Variants in NCL observed in about 807,000 individuals in gnomAD.
NCL encodes the protein nucleolin multifunctional protein.
A neutral mutation model predicts 77.7 loss-of-function variants in NCL; 4 were observed. The observed-to-expected ratio is 0.05, with a 90% CI of 0.03 to 0.12. NCL has a LOEUF of 0.12. Ranked by LOEUF, NCL falls within the 10% of genes least tolerant of loss-of-function variation. The pLI is 1.00. For missense variants in NCL, 763 were observed against 860.9 expected (o/e 0.89, Z 1.42); for synonymous variants, 344 against 297.8 (o/e 1.16, Z -1.60).
At position 231,456,452 on chromosome 2, in the gene NCL, G is replaced by A. The variant is rs1424325061; in HGVS notation, c.1705+179C>T. The stretch of plus-strand genomic sequence containing the variant: ...ACTCTGAGTTGACACAGCTGGATCA[G>A]AACTTGACTATCTAGAGGAATTTTC... On this transcript the variant is annotated intron_variant, in intron 11 of 13. Transcript: ENST00000322723. 2.5e-6 allele frequency: 3 copies of A among 1,183,132 alleles called. No homozygotes were observed. The South Asian group carries it at 3.7e-5, about 14-fold the overall frequency. The allele number at this position is 1,183,132 out of a possible 1,614,324, so 73.3% of individuals were successfully genotyped here.
chr2:231,464,068 C>T, intron 1 of NCL: 1 of 1,311,572 alleles, frequency 7.6e-7, no homozygotes, highest in Non-Finnish European at 9.9e-7. Flanking sequence ...TCTCATCTCT[C>T]CACCCCGAGG....
At chr2:231,457,305 C>G (rs1220309103) in intron 9 of NCL, 181 bp from the exon 10 acceptor site, 3 of 905,882 alleles carry the variant, frequency 3.3e-6, no homozygotes, top group Non-Finnish European at 5.4e-6. Context: ...GTTGCAATGT[C>G]CTGCTGGTTG....
At chr2:231,461,248 A>T (rs2442323) in intron 3 of NCL, among the ~76,000 whole-genome samples, 5 of 152,034 alleles carry the variant, frequency 3.3e-5, no homozygotes, top group African/African-American at 1.2e-4. Flanking sequence ...ATTGCACTCC[A>T]GCCTGGGAAA....
chr2:231,461,871 G>A lies in NCL; in HGVS notation c.282C>T (p.Ala94=), dbSNP rs749405820. 1 of 1,614,182 alleles carries A rather than the reference G, an allele frequency of 6.2e-7. No individual in the cohort carries two copies. Among genetic ancestry groups the A allele is most frequent in the Non-Finnish European group, 8.5e-7 (1 of 1,180,032 alleles). ...TPGKKAAATP[A]KKTVTPAKAV... Reference sequence around the variant, plus strand: ...CTTTGGCTGGTGTAACTGTCTTCTTGGCAGGTGTTGCTGCTGCCTTTTTGC... The same window carrying A: ...CTTTGGCTGGTGTAACTGTCTTCTTAGCAGGTGTTGCTGCTGCCTTTTTGC... Residue 94 remains alanine, a synonymous_variant, in exon 3 of 14, where the codon GCC becomes GCT. Coordinates refer to ENST00000322723, the MANE Select transcript of NCL (RefSeq NM_005381.3).
At chr2:231,462,141 T>A in intron 2 of NCL, 124 bp from the exon 3 acceptor site, 1 of 1,228,142 alleles carries the variant, frequency 8.1e-7, no homozygotes, top group Non-Finnish European at 1.2e-6. Flanking sequence ...ACTAGACACA[T>A]TAGCATGTTA....
At chr2:231,455,355 C>A (rs141189580) in intron 13 of NCL, 46 bp downstream of exon 13, 8 of 1,613,534 alleles carry the variant, frequency 5.0e-6, no homozygotes, top group Middle Eastern at 1.6e-4. Context: ...GGCACAGGGT[C>A]TGAAGAGCAC....
Position 231,455,061 on chromosome 2 carries a change from T to C in NCL, c.*130A>G, listed in dbSNP as rs2046870860. 1 of 983,748 alleles carries C rather than the reference T, an allele frequency of 1.0e-6. No individual in the cohort carries two copies. 60.9% of individuals were successfully genotyped at this position (983,748 alleles called of 1,614,324 possible). On this transcript the variant is annotated 3_prime_UTR_variant, in exon 14 of 14. Transcript: ENST00000322723. The stretch of plus-strand genomic sequence containing the variant: ...GCCCTTGAAATGTTAACTAGACGGA[T>C]TTCCAAGGAGACCACAGGACTGTAT...
chr2:231,456,863 AATG>A lies in NCL; in HGVS notation c.1572-102_1572-100del, dbSNP rs1255042776. On this transcript the variant is annotated intron_variant, in intron 10 of 13. Transcript: ENST00000322723. ...GCCCCTTCTCTCAAGTTGGTACCTA[AATG>A]ATGATCTTTATTTTACACTCATTTA... 111 of 1,560,252 alleles carry A rather than the reference AATG, an allele frequency of 7.1e-5. 3 individuals carry two copies. The South Asian group carries it at 1.2e-3, about 17-fold the overall frequency.
At chr2:231,459,213 C>T (rs529765153) in intron 6 of NCL, 88 bp from the exon 7 acceptor site, 1 of 1,346,148 alleles carries the variant, frequency 7.4e-7, no homozygotes, top group African/African-American at 1.5e-5. Flanking sequence ...TGTGATGGTG[C>T]AAACAAAGAT....
Position 231,459,013 on chromosome 2 carries a change from CT to C in NCL, c.1152del (p.Asp385ThrfsTer25). On this transcript the variant is annotated frameshift_variant, in exon 7 of 14. Transcript: ENST00000322723. LOFTEE classifies it high-confidence loss of function. Reference protein sequence around the residue: ...NEIKLEKPKGKDSKKERDART... With the variant: ...NEIKLEKPKGXDSKKERDART... ...AAGCCTTACATACCTTTCTTACTGT[CT>C]TTTCCTTTTGGTTTCTCTAGTTTAA... The C allele has an allele frequency of 6.3e-7, 1 of 1,593,512 alleles. No individual in the cohort carries two copies. The highest frequency in any genetic ancestry group is 8.5e-7 in the Non-Finnish European group (1 of 1,172,298).
intron 9 of NCL, chr2:231,457,392 A>G (rs543628709): frequency 1.3e-6 from 1 of 747,652 alleles, no homozygotes; most frequent in East Asian, 2.7e-5. Flanking sequence ...AGTCATTTAA[A>G]GTATAAAACA....
chr2:231,455,756 T>A, intron 12 of NCL, 132 bp from the exon 13 acceptor site: 2 of 1,214,104 alleles, frequency 1.6e-6, no homozygotes, highest in Non-Finnish European at 2.4e-6. Context: ...AGTGACAGAG[T>A]AGCTCTCTAT....
intron 13 of NCL, 51 bp from the exon 14 acceptor site, chr2:231,455,318 C>T (rs2046875173): frequency 6.2e-7 from 1 of 1,613,328 alleles, no homozygotes; most frequent in Middle Eastern, 1.6e-4. Context: ...AAAGCTCCTC[C>T]TCCCCAGTGA....
At chr2:231,462,189 C>T in intron 2 of NCL, 172 bp from the exon 3 acceptor site, 1 of 891,608 alleles carries the variant, frequency 1.1e-6, no homozygotes, top group Admixed American at 1.9e-5. Flanking sequence ...AAGTCAGAGC[C>T]CCTATCATAA....
Position 231,463,255 on chromosome 2 carries a change from T to A in NCL, c.80A>T (p.Asp27Val). The change falls in exon 2 of 14, where the codon GAT becomes GTT. Residue 27 changes from aspartate to valine, a missense_variant. Coordinates refer to ENST00000322723, the MANE Select transcript of NCL (RefSeq NM_005381.3). ...TTCTGACATTTCCTCATCTTCACTA[T>A]CTTCTTCTACCTCCTTTGGAGGAGG... is the stretch of plus-strand genomic sequence containing the variant. ...MAPPPKEVEE[D>V]SEDEEMSEDE... The A allele has an allele frequency of 6.2e-7, 1 of 1,612,694 alleles. No homozygotes were observed. Among genetic ancestry groups the A allele is most frequent in the African/African-American group, 1.3e-5 (1 of 75,022 alleles).
rs1304524115 is a variant in NCL, at chr2:231,463,475, G to GC, written c.19-160dup. On this transcript the variant is annotated intron_variant, in intron 1 of 13. Transcript: ENST00000322723. ...CATAGAAACTACTCCTGATGGCAAT[G>GC]CAAGAGGGACTACTCTCAACCGCCC... The GC allele has an allele frequency of 5.9e-6, 4 of 681,088 alleles. No individual in the cohort carries two copies. The African/African-American group carries it at 7.3e-5, about 12-fold the overall frequency. The allele number at this position is 681,088 out of a possible 1,614,324, so 42.2% of individuals were successfully genotyped here. A position where few individuals can be genotyped will look rare whatever the true frequency, so the allele number is the denominator to read the frequency against.
At chr2:231,461,089 G>A (rs1185511143) in intron 3 of NCL, among the ~76,000 whole-genome samples, 1 of 152,028 alleles carries the variant, frequency 6.6e-6, no homozygotes, top group Non-Finnish European at 1.5e-5. Flanking sequence ...GACCAGCCTG[G>A]CCAACATGGT....
Position 231,455,558 on chromosome 2 carries a change from A to C in NCL, c.1899T>G (p.Gly633=). The stretch of plus-strand genomic sequence containing the variant: ...AGGTAACTTTATTTCCATCAATTTC[A>C]CCGTCTTCCATGGCCTCCTTGGCAG... ...AKAAKEAMED[G]EIDGNKVTLD... Residue 633 remains glycine (G), a synonymous_variant, in exon 13 of 14, where the codon GGT becomes GGG. Coordinates refer to ENST00000322723, the MANE Select transcript of NCL (RefSeq NM_005381.3). 6.2e-7 allele frequency: 1 copy of C among 1,614,032 alleles called. No individual in the cohort carries two copies. The highest frequency in any genetic ancestry group is 8.5e-7 in the Non-Finnish European group (1 of 1,180,012).
intron 11 of NCL, 85 bp downstream of exon 11, chr2:231,456,546 C>A: frequency 1.3e-6 from 2 of 1,580,168 alleles, no homozygotes; most frequent in East Asian, 2.2e-5. Context: ...TCAGTAGCAA[C>A]AGGAAACACA....
Sources: allele counts gnomAD v4.1 joint callset (sites outside exome capture counted in the v4.1 genomes callset), GRCh38; gene constraint gnomAD v4.1.1; transcripts MANE v1.5; gene names NCBI Gene and HGNC (gene_info 2026-07-23, HGNC 2026-07-21).